MGAT4C: variants seen among roughly 807,000 people sequenced by gnomAD.
MGAT4C encodes MGAT4 family member C.
MGAT4C carries 19 observed loss-of-function variants against 40.1 expected under a neutral mutation model. The ratio of observed to expected loss-of-function variants is 0.47; its 90% CI spans 0.33 to 0.70. The LOEUF (loss-of-function observed/expected upper bound fraction) is 0.70. Among genes scored for constraint, MGAT4C ranks in the 30% least tolerant of loss-of-function variants. The pLI is 0.02. For synonymous variants in MGAT4C, 181 were observed against 187.1 expected, an observed-to-expected ratio of 0.97 and a Z score of 0.27; for missense variants, 491 against 563.2, an observed-to-expected ratio of 0.87 and a Z score of 1.30.
At chr12:86,220,689 C>T (rs1168554006) in intron 1 of MGAT4C, among the ~76,000 whole-genome samples, 1 of 152,138 alleles carries the variant, frequency 6.6e-6, no homozygotes, top group Non-Finnish European at 1.5e-5. Context: ...GTGTGGGCAA[C>T]TCCATGTCTC....
chr12:86,428,887 T>C (rs2136266361), intron 3 of MGAT4C, among the ~76,000 whole-genome samples: 1 of 152,242 alleles, frequency 6.6e-6, no homozygotes, highest in South Asian at 2.1e-4. Flanking sequence ...TTTGACAATT[T>C]TGTTTCTTTT....
intron 2 of MGAT4C, among the ~76,000 whole-genome samples, chr12:86,044,114 A>T (rs1353072950): frequency 2.0e-5 from 3 of 151,886 alleles, no homozygotes; most frequent in Non-Finnish European, 4.4e-5. Flanking sequence ...AGTTGACTGG[A>T]TTTCTTTCTG....
intron 1 of MGAT4C, among the ~76,000 whole-genome samples, chr12:86,076,014 C>T (rs1021895639): frequency 4.6e-5 from 7 of 152,180 alleles, no homozygotes; most frequent in Non-Finnish European, 8.8e-5. Context: ...TTTTTCTTTT[C>T]TACCATATAG....
intron 2 of MGAT4C, among the ~76,000 whole-genome samples, chr12:86,512,512 C>T (rs115045508): frequency 1.3e-5 from 2 of 151,794 alleles, no homozygotes; most frequent in Non-Finnish European, 2.9e-5. Flanking sequence ...TCATAATGGC[C>T]GAAGTATGGA....
chr12:86,568,220 A>G (rs1039077336), intron 2 of MGAT4C, among the ~76,000 whole-genome samples: 4 of 152,260 alleles, frequency 2.6e-5, no homozygotes, highest in Admixed American at 2.6e-4. Context: ...AGTGGGCACC[A>G]TCTAATAAGC....
At chr12:86,173,493 T>C (rs1231336153) in intron 1 of MGAT4C, among the ~76,000 whole-genome samples, 1 of 152,148 alleles carries the variant, frequency 6.6e-6, no homozygotes, top group Non-Finnish European at 1.5e-5. Flanking sequence ...TTAAAAATGA[T>C]ATGCAACAGA....
intron 4 of MGAT4C, among the ~76,000 whole-genome samples, chr12:86,331,832 G>T (rs144326258): frequency 2.0e-5 from 3 of 152,174 alleles, no homozygotes. Flanking sequence ...GTGAAATCTT[G>T]TAAATGTCTC....
intron 4 of MGAT4C, among the ~76,000 whole-genome samples, chr12:86,269,024 ATATAT>A (rs1435704269): frequency 2.6e-5 from 1 of 38,974 alleles, no homozygotes; most frequent in African/African-American, 8.7e-5. Flanking sequence ...ATATATATAT[ATATAT>A]ATATATATAT....
rs1422724768 is a variant in MGAT4C at position 86,511,115 on chromosome 12, A to C, written c.-228-75850T>G. On this transcript the variant is annotated intron_variant, in intron 2 of 7. Coordinates refer to the MGAT4C transcript ENST00000548651. ...AGTAAAGCTCTCCTCAGCAAATGTA[A>C]AAGAACAGAAATTATAACAAACTAT... is the stretch of plus-strand genomic sequence containing the variant. Among the ~76,000 whole-genome samples, 7 of 152,030 alleles carry C rather than the reference A, an allele frequency of 4.6e-5. No homozygotes were observed. In the South Asian group the frequency reaches 6.2e-4, roughly 14 times the overall value.
At chr12:85,982,416 TG>T (rs1884706127) in intron 4 of MGAT4C, among the ~76,000 whole-genome samples, 1 of 152,188 alleles carries the variant, frequency 6.6e-6, no homozygotes, top group Admixed American at 6.5e-5. Context: ...CTTGAACACC[TG>T]GCCTCAAGTG....
chr12:86,488,826 A>G (rs1460416262), intron 2 of MGAT4C, among the ~76,000 whole-genome samples: 2 of 152,194 alleles, frequency 1.3e-5, no homozygotes, highest in Non-Finnish European at 2.9e-5. Context: ...AATTAATAAT[A>G]CTTTAAAATA....
At position 85,977,693 on chromosome 12, in the gene MGAT4C, C is replaced by G. The variant is rs1157341330; in HGVS notation, c.*1596G>C. ...CTAGTGTTGTTTGCACCACAGCATA[C>G]CAGTAAATCTTAAGGATTGTGTTTC... On this transcript the variant is annotated 3_prime_UTR_variant, in exon 5 of 5. Transcript: ENST00000611864. 1 of 150,630 alleles carries G rather than the reference C, an allele frequency of 6.6e-6. No homozygotes were observed. Among genetic ancestry groups the G allele is most frequent in the South Asian group, 2.1e-4 (1 of 4,772 alleles). The allele number at this position is 150,630 out of a possible 1,614,324, so 9.3% of individuals were successfully genotyped here. A position where few individuals can be genotyped will look rare whatever the true frequency, so the allele number is the denominator to read the frequency against.
intron 2 of MGAT4C, among the ~76,000 whole-genome samples, chr12:86,574,486 CTTATAA>C (rs902367191): frequency 1.7e-4 from 26 of 151,826 alleles, no homozygotes; most frequent in Non-Finnish European, 2.2e-4. Flanking sequence ...TCCTCTCAAT[CTTATAA>C]TTATATTAGT....
intron 3 of MGAT4C, among the ~76,000 whole-genome samples, chr12:86,376,305 C>T (rs1023985678): frequency 1.3e-5 from 2 of 151,284 alleles, no homozygotes; most frequent in Non-Finnish European, 1.5e-5. Flanking sequence ...AGCCTGGAGG[C>T]AAAGGTTGCA....
At chr12:86,484,168 A>G (rs1405289590) in intron 2 of MGAT4C, among the ~76,000 whole-genome samples, 1 of 152,022 alleles carries the variant, frequency 6.6e-6, no homozygotes, top group African/African-American at 2.4e-5. Context: ...CAGCCCAGAG[A>G]GTAGACAGAG....
In MGAT4C at chr12:86,009,165, T is replaced by C. The variant is rs115244830; in HGVS notation, c.-6-19613A>G. Among the ~76,000 whole-genome samples the C allele has an allele frequency of 2.1e-3, 323 of 152,290 alleles. 2 individuals carry two copies. The highest frequency in any genetic ancestry group is 7.2e-3 in the African/African-American group (299 of 41,582). On this transcript the variant is annotated intron_variant, in intron 2 of 4. Coordinates refer to ENST00000611864, the MANE Select transcript of MGAT4C (RefSeq NM_001351288.2). ...CTTCTGAGTACTCTATCTAATGACCTGCATATTACAAACTTTTTCATTTCA... is the reference window on the plus strand; with the variant it reads ...CTTCTGAGTACTCTATCTAATGACCCGCATATTACAAACTTTTTCATTTCA...
chr12:86,611,453 AGAT>A (rs376971619), intron 2 of MGAT4C, among the ~76,000 whole-genome samples: 2 of 116,186 alleles, frequency 1.7e-5, no homozygotes, highest in South Asian at 6.1e-4. Flanking sequence ...ATAGATAGAT[AGAT>A]GATAGATAGA....
At chr12:86,557,118 T>C (rs1959649067) in intron 2 of MGAT4C, among the ~76,000 whole-genome samples, 1 of 152,220 alleles carries the variant, frequency 6.6e-6, no homozygotes, top group African/African-American at 2.4e-5. Flanking sequence ...AGGTATACAC[T>C]TTTGATATTT....
intron 1 of MGAT4C, among the ~76,000 whole-genome samples, chr12:86,829,547 T>C (rs1424773384): frequency 1.3e-5 from 2 of 151,588 alleles, no homozygotes; most frequent in African/African-American, 2.4e-5. Context: ...CTTAGGAGTA[T>C]TCTATATTTT....
Sources: allele counts gnomAD v4.1 joint callset (sites outside exome capture counted in the v4.1 genomes callset), GRCh38; gene constraint gnomAD v4.1.1; transcripts MANE v1.5; gene names NCBI Gene and HGNC (gene_info 2026-07-23, HGNC 2026-07-21).